DNASE1: variants seen among roughly 807,000 people sequenced by gnomAD.
The protein encoded by DNASE1 is deoxyribonuclease 1.
DNASE1 carries 40 observed loss-of-function variants against 33.9 expected under a neutral mutation model. That is an observed-to-expected ratio of 1.18 (90% CI 0.92 to 1.54). The LOEUF is 1.54. DNASE1 is among the 40% of genes most tolerant of loss of function. The pLI is 0.00. For missense variants in DNASE1, 518 were observed against 372.6 expected, an observed-to-expected ratio of 1.39 and a Z score of -3.21; for synonymous variants, 216 against 160.0, an observed-to-expected ratio of 1.35 and a Z score of -2.64.
Position 3,655,914 on chromosome 16 carries a change from G to C in DNASE1, c.213G>C (p.Gly71=), listed in dbSNP as rs749688852. Residue 71 remains glycine (G), a synonymous_variant, in exon 3 of 9, where the codon GGG becomes GGC. Coordinates refer to ENST00000246949, the MANE Select transcript of DNASE1 (RefSeq NM_005223.4). The stretch of plus-strand genomic sequence containing the variant: ...GAGACAGCCACCTGACTGCCGTGGG[G>C]AAGCTGCTGGACAACCTCAATCAGT... The part of the protein sequence containing the change: ...EVRDSHLTAV[G]KLLDNLNQDA... 2 of 1,614,078 alleles carry C rather than the reference G, an allele frequency of 1.2e-6. No homozygotes were observed. The highest frequency in any genetic ancestry group is 1.7e-5 in the Admixed American group (1 of 60,024).
rs767130777 is a variant in DNASE1, at chr16:3,655,923, G to T, written c.222G>T (p.Leu74=). 6.2e-7 allele frequency: 1 copy of T among 1,614,062 alleles called. No individual in the cohort carries two copies. Among genetic ancestry groups the T allele is most frequent in the Non-Finnish European group, 8.5e-7 (1 of 1,180,012 alleles). Residue 74 remains leucine (L), a synonymous_variant, in exon 3 of 9, where the codon CTG becomes CTT. Transcript: ENST00000246949. ...DSHLTAVGKL[L]DNLNQDAPDT... ...ACCTGACTGCCGTGGGGAAGCTGCT[G>T]GACAACCTCAATCAGTGGGTGACAG... is the stretch of plus-strand genomic sequence containing the variant.
chr16:3,632,475 C>A (rs765455567), intron 1 of DNASE1, among the ~76,000 whole-genome samples: 16 of 152,048 alleles, frequency 1.1e-4, no homozygotes, highest in Non-Finnish European at 1.9e-4. Flanking sequence ...TTTTTCTATC[C>A]CTGATAATTT....
chr16:3,630,420 C>CATCT (rs1327043693), intron 1 of DNASE1, among the ~76,000 whole-genome samples: 1 of 151,374 alleles, frequency 6.6e-6, no homozygotes, highest in Middle Eastern at 3.5e-3. Flanking sequence ...AAAGCTCAGA[C>CATCT]ATCTGCCCAC....
At chr16:3,655,724 C>G (rs1333194873) in intron 2 of DNASE1, 125 bp from the exon 3 acceptor site, 6 of 1,420,242 alleles carry the variant, frequency 4.2e-6, no homozygotes, top group Non-Finnish European at 5.9e-6. Context: ...GGAGCCCAGG[C>G]AGAAACATGA....
chr16:3,633,522 G>A (rs1001900989), intron 1 of DNASE1, among the ~76,000 whole-genome samples: 2 of 151,804 alleles, frequency 1.3e-5, no homozygotes, highest in African/African-American at 2.4e-5. Context: ...GCAGGAGAAT[G>A]GCTTGAACCC....
chr16:3,649,128 T>C (rs974632414), intron 1 of DNASE1, among the ~76,000 whole-genome samples: 9 of 152,194 alleles, frequency 5.9e-5, no homozygotes, highest in Admixed American at 2.0e-4. Context: ...AGTGCTGCTG[T>C]GTGTGGTCTT....
chr16:3,644,310 C>T (rs1019117632), intron 1 of DNASE1, among the ~76,000 whole-genome samples: 3 of 151,966 alleles, frequency 2.0e-5, no homozygotes, highest in African/African-American at 2.4e-5. Flanking sequence ...CACCTGTAAT[C>T]GCAGCACCTT....
chr16:3,655,563 G>A (rs558272236), intron 2 of DNASE1, 43 bp downstream of exon 2: 2 of 1,613,176 alleles, frequency 1.2e-6, no homozygotes, highest in Admixed American at 3.3e-5. Context: ...AGGAGCTCTG[G>A]AGTCTAGGGC....
chr16:3,613,613 A>G (rs2040987276), intron 1 of DNASE1, among the ~76,000 whole-genome samples: 1 of 152,240 alleles, frequency 6.6e-6, no homozygotes, highest in African/African-American at 2.4e-5. Context: ...TTCCAACTGG[A>G]TAAAGAAGAC....
At position 3,657,334 on chromosome 16, in the gene DNASE1, T is replaced by C; in HGVS notation, c.697T>C (p.Tyr233His). The part of the protein sequence containing the change: ...DTTATPTHCA[Y>H]DRIVVAGMLL... ...CACAGCTACACCCACGCACTGTGCC[T>C]ATGACAGGTGAGCAGGGCCTCGCGC... The change falls in exon 7 of 9, where the codon TAT becomes CAT. Residue 233 changes from tyrosine (Y) to histidine (H), a missense_variant. By Grantham distance (83) the Tyr-to-His change is moderately conservative. Transcript: ENST00000246949. 1 of 1,613,180 alleles carries C rather than the reference T, an allele frequency of 6.2e-7. No individual in the cohort carries two copies. The highest frequency in any genetic ancestry group is 1.1e-5 in the South Asian group (1 of 91,072).
chr16:3,614,889 G>T (rs1567182780), intron 1 of DNASE1, among the ~76,000 whole-genome samples: 1 of 152,180 alleles, frequency 6.6e-6, no homozygotes, highest in Non-Finnish European at 1.5e-5. Context: ...TGAAGTGCCT[G>T]TTTCCTATTT....
At chr16:3,649,917 C>T (rs2042282737), upstream of DNASE1, among the ~76,000 whole-genome samples, 1 of 151,286 alleles carries the variant, frequency 6.6e-6, no homozygotes, top group South Asian at 2.1e-4. Flanking sequence ...TTTTCCCCAA[C>T]TTCTAGTTGA....
chr16:3,663,685 G>A (rs2050747666), exon 10 of DNASE1: 2 of 1,280,034 alleles, frequency 1.6e-6, no homozygotes, highest in Non-Finnish European at 2.1e-6. Flanking sequence ...CACCGGGGCA[G>A]TTGGGGTTCC....
chr16:3,633,371 C>T (rs2041759878), intron 1 of DNASE1, among the ~76,000 whole-genome samples: 1 of 152,168 alleles, frequency 6.6e-6, no homozygotes, highest in Non-Finnish European at 1.5e-5. Flanking sequence ...CTTTGGGAGG[C>T]CAAGGTGGGT....
chr16:3,658,179 T>C (rs1218894578), downstream of DNASE1: 4 of 1,614,058 alleles, frequency 2.5e-6, no homozygotes, highest in South Asian at 2.2e-5. Flanking sequence ...CGGCCCACCA[T>C]GGCCCTAGGG....
chr16:3,654,286 C>T (rs562280965), upstream of DNASE1: 6 of 398,188 alleles, frequency 1.5e-5, no homozygotes, highest in East Asian at 1.4e-4. Flanking sequence ...TTGGGGTGGG[C>T]TTTGCAGGCC....
intron 1 of DNASE1, among the ~76,000 whole-genome samples, chr16:3,627,990 A>G (rs190007382): frequency 2.5e-4 from 38 of 150,104 alleles, no homozygotes; most frequent in Non-Finnish European, 3.3e-4. Context: ...CAGTTTACAT[A>G]TGAATCAGTA....
chr16:3,639,942 C>T (rs557306965), upstream of DNASE1, among the ~76,000 whole-genome samples: 2 of 152,122 alleles, frequency 1.3e-5, no homozygotes, highest in African/African-American at 2.4e-5. Context: ...TGTTGAATTC[C>T]TTTGAATAAT....
chr16:3,641,699 T>C (rs1355134338), upstream of DNASE1, among the ~76,000 whole-genome samples: 1 of 152,134 alleles, frequency 6.6e-6, no homozygotes, highest in Non-Finnish European at 1.5e-5. Context: ...TGACAGCTCA[T>C]GGCTTCCTGA....
Sources: allele counts gnomAD v4.1 joint callset (sites outside exome capture counted in the v4.1 genomes callset), GRCh38; gene constraint gnomAD v4.1.1; transcripts MANE v1.5; gene names NCBI Gene and HGNC (gene_info 2026-07-23, HGNC 2026-07-21).